NDUFB1: variants seen among roughly 807,000 people sequenced by gnomAD.
The protein encoded by NDUFB1 is NADH:ubiquinone oxidoreductase subunit B1.
A neutral mutation model predicts 6.7 loss-of-function variants in NDUFB1; 6 were observed. That is an observed-to-expected ratio of 0.89 (90% CI 0.49 to 1.76). The LOEUF is 1.76. Ranked by LOEUF, NDUFB1 falls within the 40% of genes most tolerant of loss-of-function variation. NDUFB1 has a pLI of 0.01. For synonymous variants in NDUFB1, 17 were observed against 22.9 expected (o/e 0.74, Z 0.74); for missense variants, 56 against 71.0 (o/e 0.79, Z 0.76).
At position 92,117,566 on chromosome 14, in the gene NDUFB1, T is replaced by G. The variant is rs548442472; in HGVS notation, c.72A>C (p.Gly24=). 6.2e-7 allele frequency: 1 copy of G among 1,613,862 alleles called. No individual in the cohort carries two copies. The highest frequency in any genetic ancestry group is 1.7e-5 in the Admixed American group (1 of 60,000). The change falls in exon 2 of 3, where the codon GGA becomes GGC. Residue 24 remains glycine, a synonymous_variant. Transcript: ENST00000605997. ...CATCACTCTTTCTGTCTAAATAACA[T>G]CCAATGACAAATCCCATAGGGACAA... ...HVLVPMGFVI[G]CYLDRKSDER... is the part of the protein sequence containing the mutation.
intron 2 of NDUFB1, among the ~76,000 whole-genome samples, chr14:92,116,612 G>C (rs2068719593): frequency 6.6e-6 from 1 of 151,976 alleles, no homozygotes; most frequent in Non-Finnish European, 1.5e-5. Context: ...TAGGATTACA[G>C]GTGTGAGCCA....
At chr14:92,116,327 T>TTTTA in intron 2 of NDUFB1, 98 bp from the exon 3 acceptor site, 75 of 871,246 alleles carry the variant, frequency 8.6e-5, no homozygotes, top group Non-Finnish European at 1.1e-4. Flanking sequence ...CAATATTTCA[T>TTTTA]TTTCTTTTTT....
Sources: allele counts gnomAD v4.1 joint callset (sites outside exome capture counted in the v4.1 genomes callset), GRCh38; gene constraint gnomAD v4.1.1; transcripts MANE v1.5; gene names NCBI Gene and HGNC (gene_info 2026-07-23, HGNC 2026-07-21).